The following TMCC1 variants were observed in gnomAD, a reference collection of about 807,000 sequenced individuals.
The protein encoded by TMCC1 is transmembrane and coiled-coil domains protein 1.
Under a neutral mutation model 52.4 loss-of-function variants are expected in TMCC1, and 15 were observed. The observed-to-expected ratio is 0.29, with a 90% confidence interval of 0.19 to 0.44. TMCC1 has a LOEUF of 0.44. TMCC1 is among the 20% of genes least tolerant of loss of function. TMCC1 has a pLI of 1.00. For synonymous variants in TMCC1, 279 were observed against 301.9 expected (o/e 0.92, Z 0.79); for missense variants, 503 against 806.0 (o/e 0.62, Z 4.55).
At chr3:129,866,728 CCAGGA>C (rs1429361146) in intron 2 of TMCC1, among the ~76,000 whole-genome samples, 2 of 151,868 alleles carry the variant, frequency 1.3e-5, no homozygotes, top group African/African-American at 4.8e-5. Context: ...GCTCATAGAT[CCAGGA>C]CAGATAAGAA....
At chr3:129,717,585 C>T (rs111434001) in intron 4 of TMCC1, among the ~76,000 whole-genome samples, 2 of 152,176 alleles carry the variant, frequency 1.3e-5, no homozygotes, top group Non-Finnish European at 2.9e-5. Flanking sequence ...AAAACCTGCC[C>T]TCCAGCAGCA....
chr3:129,833,598 C>A (rs1464504790), intron 2 of TMCC1, among the ~76,000 whole-genome samples: 5 of 151,906 alleles, frequency 3.3e-5, no homozygotes, highest in African/African-American at 1.2e-4. Flanking sequence ...ACAAGAAGAA[C>A]AAAACATATC....
At chr3:129,826,919 T>G (rs771282993) in intron 4 of TMCC1, among the ~76,000 whole-genome samples, 1 of 152,166 alleles carries the variant, frequency 6.6e-6, no homozygotes, top group Non-Finnish European at 1.5e-5. Context: ...CACAAATGTG[T>G]TCAGTGTGGC....
At chr3:129,883,929 C>A (rs2061577841) in intron 1 of TMCC1, among the ~76,000 whole-genome samples, 1 of 151,508 alleles carries the variant, frequency 6.6e-6, no homozygotes, top group Admixed American at 6.6e-5. Flanking sequence ...CAGAAGGAAA[C>A]AACCACACAT....
Position 129,885,467 on chromosome 3 carries a change from C to T in TMCC1, c.-434-4908G>A, listed in dbSNP as rs549996200. Among the ~76,000 whole-genome samples the T allele has an allele frequency of 1.6e-3, 244 of 152,034 alleles. 1 individual carries two copies. Among genetic ancestry groups the T allele is most frequent in the Admixed American group, 1.0e-3 (16 of 15,284 alleles). On this transcript the variant is annotated intron_variant, in intron 1 of 6. Coordinates refer to ENST00000393238, the MANE Select transcript of TMCC1 (RefSeq NM_001017395.5). ...AGGCATGATGGCGGGTGCCTGTAAT[C>T]CCAGCTACTCGGGAGGCTGAGGCAG...
intron 1 of TMCC1, among the ~76,000 whole-genome samples, chr3:129,890,359 G>A (rs1053450042): frequency 2.0e-5 from 3 of 152,230 alleles, no homozygotes; most frequent in African/African-American, 7.2e-5. Context: ...TGGATAGACA[G>A]GAAGCAGGTG....
chr3:129,800,752 GCTCT>G (rs147998727), intron 4 of TMCC1, among the ~76,000 whole-genome samples: 2,347 of 151,850 alleles, frequency 0.015, 44 homozygotes, highest in African/African-American at 0.054. Flanking sequence ...TTTCAGCATG[GCTCT>G]CTAAATATAC....
chr3:129,766,114 T>C (rs1001360396), intron 4 of TMCC1, among the ~76,000 whole-genome samples: 3 of 152,152 alleles, frequency 2.0e-5, no homozygotes, highest in Non-Finnish European at 2.9e-5. Flanking sequence ...TTACTTGAAA[T>C]AAGGAGCAAA....
chr3:129,694,294 C>T (rs545536957), intron 4 of TMCC1, among the ~76,000 whole-genome samples: 142 of 152,366 alleles, frequency 9.3e-4, no homozygotes, highest in Non-Finnish European at 1.7e-3. Context: ...TTGCTCAAAA[C>T]TGTATGGCTC....
intron 2 of TMCC1, among the ~76,000 whole-genome samples, chr3:129,835,626 C>T (rs1379958078): frequency 6.6e-6 from 1 of 152,142 alleles, no homozygotes; most frequent in Admixed American, 6.5e-5. Flanking sequence ...GGCAAGCAAT[C>T]TGCAATATGT....
intron 5 of TMCC1, among the ~76,000 whole-genome samples, chr3:129,660,045 A>G (rs960783197): frequency 1.3e-5 from 2 of 152,210 alleles, no homozygotes; most frequent in Non-Finnish European, 2.9e-5. Flanking sequence ...AGTTCTCCCC[A>G]ACAATCCCTA....
At chr3:129,844,893 G>C (rs2059587716) in intron 2 of TMCC1, among the ~76,000 whole-genome samples, 4 of 152,078 alleles carry the variant, frequency 2.6e-5, no homozygotes, top group Admixed American at 2.6e-4. Flanking sequence ...AAATTTAAAA[G>C]GTGAAAGAGG....
At chr3:129,705,991 A>T (rs2076172547) in intron 4 of TMCC1, among the ~76,000 whole-genome samples, 1 of 151,102 alleles carries the variant, frequency 6.6e-6, no homozygotes, top group Non-Finnish European at 1.5e-5. Flanking sequence ...CCCAGGTTCA[A>T]GCGATTCTCC....
chr3:129,695,312 G>GAAAACAAC (rs2047334718), intron 4 of TMCC1, among the ~76,000 whole-genome samples: 2 of 151,974 alleles, frequency 1.3e-5, no homozygotes, highest in Non-Finnish European at 2.9e-5. Context: ...TTTGTCTTTG[G>GAAAACAAC]CTAGGTTGTT....
At chr3:129,804,069 C>T (rs191986361) in intron 4 of TMCC1, among the ~76,000 whole-genome samples, 151 of 152,166 alleles carry the variant, frequency 9.9e-4, no homozygotes, top group African/African-American at 3.4e-3. Context: ...TTATAGACTA[C>T]AAAAACATCT....
At chr3:129,747,954 G>A (rs2052131822) in intron 4 of TMCC1, among the ~76,000 whole-genome samples, 1 of 152,078 alleles carries the variant, frequency 6.6e-6, no homozygotes, top group Non-Finnish European at 1.5e-5. Context: ...AAACTCCTTG[G>A]AAATATCTAT....
chr3:129,683,704 A>G (rs1490356037), intron 4 of TMCC1, among the ~76,000 whole-genome samples: 1 of 152,068 alleles, frequency 6.6e-6, no homozygotes, highest in Non-Finnish European at 1.5e-5. Context: ...ATTGTGCCCA[A>G]TAGTTAATTT....
chr3:129,714,717 A>G (rs190599002), intron 4 of TMCC1, among the ~76,000 whole-genome samples: 1 of 152,300 alleles, frequency 6.6e-6, no homozygotes, highest in East Asian at 1.9e-4. Flanking sequence ...GGGGATAAAA[A>G]AGCCAACTTT....
At chr3:129,863,680 G>A (rs1238670383) in intron 2 of TMCC1, among the ~76,000 whole-genome samples, 1 of 152,040 alleles carries the variant, frequency 6.6e-6, no homozygotes, top group South Asian at 2.1e-4. Flanking sequence ...TAACCAACAT[G>A]GTGAAACCCC....
Sources: allele counts gnomAD v4.1 joint callset (sites outside exome capture counted in the v4.1 genomes callset), GRCh38; gene constraint gnomAD v4.1.1; transcripts MANE v1.5; gene names NCBI Gene and HGNC (gene_info 2026-07-23, HGNC 2026-07-21).